Variants in CAP2 observed in about 807,000 individuals in gnomAD.
The protein encoded by CAP2 is cyclase associated actin cytoskeleton regulatory protein 2.
CAP2 carries 24 observed loss-of-function variants against 57.7 expected under a neutral mutation model. The ratio of observed to expected loss-of-function variants is 0.42; its 90% CI spans 0.30 to 0.58. CAP2 has a LOEUF of 0.58. CAP2 is among the 20% of genes least tolerant of loss of function. CAP2 has a pLI of 0.22. For synonymous variants in CAP2, 194 were observed against 207.2 expected (o/e 0.94, Z 0.55); for missense variants, 501 against 590.3 (o/e 0.85, Z 1.57).
chr6:17,450,937 A>G (rs904460133), intron 3 of CAP2, among the ~76,000 whole-genome samples: 1 of 152,232 alleles, frequency 6.6e-6, no homozygotes, highest in African/African-American at 2.4e-5. Flanking sequence ...TGAGCAGGCC[A>G]GAGTCTTTAA....
At chr6:17,546,908 A>G (rs1763059954) in intron 11 of CAP2, among the ~76,000 whole-genome samples, 1 of 152,202 alleles carries the variant, frequency 6.6e-6, no homozygotes, top group South Asian at 2.1e-4. Flanking sequence ...TTTGCAGATG[A>G]CATGATTGTA....
chr6:17,468,733 A>G (rs1760937342), intron 4 of CAP2, among the ~76,000 whole-genome samples: 1 of 152,214 alleles, frequency 6.6e-6, no homozygotes, highest in Admixed American at 6.5e-5. Flanking sequence ...CACATGGAAA[A>G]TGGCCAAGAA....
At chr6:17,460,172 C>T (rs1015443583) in intron 3 of CAP2, among the ~76,000 whole-genome samples, 1 of 152,172 alleles carries the variant, frequency 6.6e-6, no homozygotes, top group African/African-American at 2.4e-5. Flanking sequence ...GGGCCACGCT[C>T]TCTGAAAATG....
At chr6:17,405,467 T>C (rs538431376) in intron 1 of CAP2, among the ~76,000 whole-genome samples, 2 of 152,090 alleles carry the variant, frequency 1.3e-5, no homozygotes, top group African/African-American at 4.8e-5. Flanking sequence ...TTCATTGCAA[T>C]ATACCATAAT....
At chr6:17,429,683 A>G (rs1234121608) in intron 3 of CAP2, among the ~76,000 whole-genome samples, 1 of 152,194 alleles carries the variant, frequency 6.6e-6, no homozygotes, top group Non-Finnish European at 1.5e-5. Flanking sequence ...GTTTTTAAAA[A>G]ATAGAGGAAA....
intron 3 of CAP2, among the ~76,000 whole-genome samples, chr6:17,439,280 C>G (rs1760000653): frequency 6.7e-6 from 1 of 149,728 alleles, no homozygotes; most frequent in Admixed American, 6.6e-5. Flanking sequence ...AGATAGGTTC[C>G]TGCAGTTCCC....
intron 4 of CAP2, among the ~76,000 whole-genome samples, chr6:17,498,808 A>C (rs919557334): frequency 6.6e-6 from 1 of 151,918 alleles, no homozygotes; most frequent in African/African-American, 2.4e-5. Flanking sequence ...TGCTCACCGC[A>C]AGCTCCGCCT....
chr6:17,538,707 C>T (rs1762830290), intron 7 of CAP2, among the ~76,000 whole-genome samples: 1 of 152,188 alleles, frequency 6.6e-6, no homozygotes, highest in Non-Finnish European at 1.5e-5. Context: ...GCATCCCGGT[C>T]ACATATGCTC....
chr6:17,541,311 C>T (rs1193543188), intron 9 of CAP2, among the ~76,000 whole-genome samples, 163 bp downstream of exon 9: 2 of 151,854 alleles, frequency 1.3e-5, no homozygotes, highest in African/African-American at 4.8e-5. Context: ...TTGTTACATG[C>T]GTAGAATGTG....
chr6:17,476,814 C>G (rs1236207452), intron 4 of CAP2, among the ~76,000 whole-genome samples: 1 of 148,822 alleles, frequency 6.7e-6, no homozygotes, highest in Non-Finnish European at 1.5e-5. Flanking sequence ...CACCTTAGAA[C>G]TTTTTCCCAC....
At chr6:17,542,121 C>A (rs1762918122) in intron 9 of CAP2, among the ~76,000 whole-genome samples, 4 of 152,152 alleles carry the variant, frequency 2.6e-5, no homozygotes. Flanking sequence ...CAGCCCCTGG[C>A]AATTACCATT....
intron 7 of CAP2, among the ~76,000 whole-genome samples, chr6:17,535,431 C>T (rs1007482058): frequency 2.1e-4 from 32 of 152,144 alleles, no homozygotes; most frequent in African/African-American, 7.2e-4. Context: ...CCCACCACCA[C>T]GCCAGGCTAA....
intron 3 of CAP2, among the ~76,000 whole-genome samples, chr6:17,439,201 T>G (rs1759997068): frequency 6.6e-6 from 1 of 150,950 alleles, no homozygotes; most frequent in Admixed American, 6.6e-5. Flanking sequence ...ACACATAAAT[T>G]TGATCCACAT....
chr6:17,412,796 C>T lies in CAP2; in HGVS notation c.-1-8759C>T, dbSNP rs142779527. ...GGATGGTTCTGAGGGGTGAAACCAC[C>T]ACAGTGGAGGGGGCAAATGGGATGG... On this transcript the variant is annotated intron_variant, in intron 1 of 12. Coordinates refer to ENST00000229922, the MANE Select transcript of CAP2 (RefSeq NM_006366.3). 3.9e-5 allele frequency among the ~76,000 whole-genome samples: 6 copies of T among 152,104 alleles called. No homozygotes were observed. In the East Asian group the frequency reaches 1.2e-3, roughly 29 times the overall value.
At chr6:17,506,364 TAAA>T (rs1283383054) in intron 4 of CAP2, among the ~76,000 whole-genome samples, 2 of 151,954 alleles carry the variant, frequency 1.3e-5, no homozygotes, top group Admixed American at 1.3e-4. Flanking sequence ...CACATTTTCT[TAAA>T]AAGGGCTGGG....
At chr6:17,477,346 G>A (rs532232137) in intron 4 of CAP2, among the ~76,000 whole-genome samples, 10 of 152,278 alleles carry the variant, frequency 6.6e-5, no homozygotes, top group Non-Finnish European at 1.3e-4. Context: ...ACTTATTTTT[G>A]CACCTTTATT....
At chr6:17,418,045 A>G (rs1759333598) in intron 1 of CAP2, among the ~76,000 whole-genome samples, 1 of 152,132 alleles carries the variant, frequency 6.6e-6, no homozygotes, top group African/African-American at 2.4e-5. Context: ...GCTAAGGCGG[A>G]TGGGACTGCC....
At chr6:17,475,031 C>T (rs910510427) in intron 4 of CAP2, among the ~76,000 whole-genome samples, 1 of 151,934 alleles carries the variant, frequency 6.6e-6, no homozygotes, top group Admixed American at 6.6e-5. Context: ...CCCGTCTCTA[C>T]TAAAAATACA....
intron 7 of CAP2, among the ~76,000 whole-genome samples, chr6:17,526,282 T>C (rs1762507167): frequency 6.6e-6 from 1 of 151,992 alleles, no homozygotes; most frequent in Admixed American, 6.6e-5. Context: ...CATACCTGAC[T>C]AATTTTTGTA....
Sources: allele counts gnomAD v4.1 joint callset (sites outside exome capture counted in the v4.1 genomes callset), GRCh38; gene constraint gnomAD v4.1.1; transcripts MANE v1.5; gene names NCBI Gene and HGNC (gene_info 2026-07-23, HGNC 2026-07-21).